AFF2: variants seen among roughly 807,000 people sequenced by gnomAD.
AFF2 encodes ALF transcription elongation factor 2.
Under a neutral mutation model 76.9 loss-of-function variants are expected in AFF2, and 14 were observed. The ratio of observed to expected loss-of-function variants is 0.18; its 90% CI spans 0.12 to 0.28. The LOEUF (loss-of-function observed/expected upper bound fraction) is 0.28, where lower values mean the gene tolerates loss of function less well. Among genes scored for constraint, AFF2 ranks in the 10% least tolerant of loss-of-function variants. The pLI is 1.00. For synonymous variants in AFF2, 398 were observed against 366.7 expected, an observed-to-expected ratio of 1.09 and a Z score of -0.98; for missense variants, 868 against 1,001.1, an observed-to-expected ratio of 0.87 and a Z score of 1.79.
At chrX:148,567,469 G>T (rs2053181858) in intron 1 of AFF2, among the ~76,000 whole-genome samples, 1 of 111,730 alleles carries the variant, frequency 9.0e-6, no homozygotes, top group South Asian at 3.7e-4. Context: ...TGGAGCTCTG[G>T]AGTTTTCAAG....
At chrX:148,650,423 G>C (rs782002540) in intron 1 of AFF2, among the ~76,000 whole-genome samples, 1 of 111,768 alleles carries the variant, frequency 8.9e-6, no homozygotes, top group East Asian at 2.8e-4. Context: ...GCCTAGATAT[G>C]GGGCCCTGGC....
chrX:148,776,543 A>T (rs2069668966), intron 3 of AFF2, among the ~76,000 whole-genome samples: 1 of 112,001 alleles, frequency 8.9e-6, no homozygotes, highest in Non-Finnish European at 1.9e-5. Context: ...CTTTTTAATG[A>T]TTGCCATTCT....
intron 7 of AFF2, among the ~76,000 whole-genome samples, chrX:148,883,583 C>T (rs915290228): frequency 2.7e-5 from 3 of 111,460 alleles, no homozygotes; most frequent in African/African-American, 9.8e-5. Context: ...TATCTTGACT[C>T]CATGCTAATG....
intron 8 of AFF2, among the ~76,000 whole-genome samples, chrX:148,894,063 G>A (rs902485209): frequency 1.8e-5 from 2 of 111,731 alleles, no homozygotes; most frequent in Non-Finnish European, 3.8e-5. Flanking sequence ...GTAAGTCCCA[G>A]GAAATGCACC....
intron 1 of AFF2, among the ~76,000 whole-genome samples, chrX:148,628,225 G>T (rs1414785791): frequency 2.7e-5 from 3 of 110,363 alleles, no homozygotes; most frequent in African/African-American, 9.9e-5. Context: ...CCACTGAATT[G>T]GACACTTAAA....
chrX:148,971,732 T>C (rs2072255661), intron 15 of AFF2, among the ~76,000 whole-genome samples: 1 of 85,809 alleles, frequency 1.2e-5, no homozygotes, highest in Non-Finnish European at 2.2e-5. Flanking sequence ...CTAGAAAATA[T>C]TTTTTTTTCT....
chrX:148,895,586 TGTG>T (rs2071274643), intron 8 of AFF2, among the ~76,000 whole-genome samples: 1 of 107,785 alleles, frequency 9.3e-6, no homozygotes, highest in Non-Finnish European at 1.9e-5. Context: ...TGTGTGTGTG[TGTG>T]TGTGTGTGTA....
In AFF2 at chrX:148,727,482, GA is replaced by G. The variant is rs782596082; in HGVS notation, c.1041+64717del. ...ATTGGCTTATACATTAGAACTTTTG[GA>G]AATAAAGATAAATGGAGAGAGTGAA... On this transcript the variant is annotated intron_variant, in intron 3 of 20. Transcript: ENST00000370460. Among the ~76,000 whole-genome samples the G allele has an allele frequency of 8.6e-4, 96 of 111,362 alleles. 1 individual carries two copies. Among genetic ancestry groups the G allele is most frequent in the African/African-American group, 3.1e-3 (94 of 30,710 alleles).
At chrX:148,884,022 T>G (rs1241470229) in intron 7 of AFF2, among the ~76,000 whole-genome samples, 1 of 111,119 alleles carries the variant, frequency 9.0e-6, no homozygotes, top group African/African-American at 3.3e-5. Flanking sequence ...GTAAAGCCAT[T>G]TATAATAACA....
chrX:148,988,082 C>T (rs2072494842), intron 20 of AFF2, among the ~76,000 whole-genome samples: 1 of 111,818 alleles, frequency 8.9e-6, no homozygotes, highest in African/African-American at 3.3e-5. Context: ...TTCATGATGA[C>T]ACTTGAACTT....
At chrX:148,692,000 G>A (rs1371194727) in intron 3 of AFF2, among the ~76,000 whole-genome samples, 3 of 107,930 alleles carry the variant, frequency 2.8e-5, no homozygotes, top group African/African-American at 6.8e-5. Context: ...CTAGACTTGA[G>A]ATTATTAGTT....
intron 3 of AFF2, among the ~76,000 whole-genome samples, chrX:148,740,960 TG>T (rs1267276357): frequency 8.9e-6 from 1 of 112,184 alleles, no homozygotes; most frequent in Non-Finnish European, 1.9e-5. Context: ...AGCTCCAGGC[TG>T]GTACTGGGGA....
chrX:148,953,460 G>A (rs1557286835), intron 9 of AFF2, 120 bp from the exon 10 acceptor site: 8 of 781,293 alleles, frequency 1.0e-5, no homozygotes, highest in Non-Finnish European at 7.3e-6. Flanking sequence ...CTATAAAATG[G>A]GAACGGTAAA....
intron 3 of AFF2, among the ~76,000 whole-genome samples, chrX:148,698,797 GT>G (rs142604433): frequency 0.46 from 31,880 of 69,875 alleles, 6,691 homozygotes; most frequent in Non-Finnish European, 0.59. Flanking sequence ...GAGTTCTAGT[GT>G]TTTTTTTTTT....
chrX:148,648,225 G>C (rs2054162319), intron 1 of AFF2, among the ~76,000 whole-genome samples: 1 of 111,080 alleles, frequency 9.0e-6, no homozygotes, highest in Non-Finnish European at 1.9e-5. Flanking sequence ...CTCTGTTTGT[G>C]GTGGCTAGGG....
intron 7 of AFF2, among the ~76,000 whole-genome samples, chrX:148,882,597 C>G (rs2071110626): frequency 9.0e-6 from 1 of 111,401 alleles, no homozygotes. Context: ...CAATTTTTTT[C>G]ACATTATGTG....
intron 9 of AFF2, among the ~76,000 whole-genome samples, chrX:148,940,849 A>AT: frequency 9.0e-6 from 1 of 111,710 alleles, no homozygotes. Flanking sequence ...ACATGAGGAA[A>AT]TTGTGTTCCT....
chrX:148,953,577 C>G lies in AFF2; in HGVS notation c.1398-3C>G, dbSNP rs1277773208. The stretch of plus-strand genomic sequence containing the variant: ...GCAATGAATTATGTTGTTTTTCTTT[C>G]AGCCCACCCTTGGCCACTCCCCAGC... On this transcript the variant is annotated splice_polypyrimidine_tract_variant and splice_region_variant and intron_variant, in intron 9 of 20. Transcript: ENST00000370460. 8.3e-7 allele frequency: 1 copy of G among 1,199,556 alleles called. No individual in the cohort carries two copies. Among genetic ancestry groups the G allele is most frequent in the Non-Finnish European group, 1.1e-6 (1 of 890,228 alleles).
At chrX:148,508,071 C>G (rs1284531015) in intron 1 of AFF2, among the ~76,000 whole-genome samples, 3 of 112,543 alleles carry the variant, frequency 2.7e-5, no homozygotes, top group African/African-American at 9.7e-5. Flanking sequence ...GAGGATTAAG[C>G]TAAGGAAACA....
Sources: allele counts gnomAD v4.1 joint callset (sites outside exome capture counted in the v4.1 genomes callset), GRCh38; gene constraint gnomAD v4.1.1; transcripts MANE v1.5; gene names NCBI Gene and HGNC (gene_info 2026-07-23, HGNC 2026-07-21).